Variants in DENND1B observed in about 807,000 individuals in gnomAD.
The protein encoded by DENND1B is DENN domain containing 1B, also known as DENN domain-containing protein 1B.
In DENND1B, 59 loss-of-function variants were observed where a neutral mutation model predicts 90.1. The observed-to-expected ratio is 0.65, with a 90% confidence interval of 0.53 to 0.81. The LOEUF (loss-of-function observed/expected upper bound fraction) is 0.81. Ranked by LOEUF, DENND1B falls within the 40% of genes least tolerant of loss-of-function variation. DENND1B has a pLI of 0.00. For missense variants in DENND1B, 862 were observed against 912.6 expected, an observed-to-expected ratio of 0.94 and a Z score of 0.71; for synonymous variants, 337 against 324.6, an observed-to-expected ratio of 1.04 and a Z score of -0.41.
At chr1:197,624,394 T>C (rs1391516954) in intron 10 of DENND1B, among the ~76,000 whole-genome samples, 1 of 151,564 alleles carries the variant, frequency 6.6e-6, no homozygotes, top group African/African-American at 2.4e-5. Context: ...CTAGATACAG[T>C]CCTCACACTT....
intron 12 of DENND1B, among the ~76,000 whole-genome samples, chr1:197,608,481 T>C (rs115385215): frequency 2.2e-3 from 335 of 150,718 alleles, no homozygotes; most frequent in African/African-American, 7.9e-3. Context: ...TTTAAATACA[T>C]ATATGTGTAG....
chr1:197,521,501 TAC>T (rs1220006193), intron 20 of DENND1B, among the ~76,000 whole-genome samples: 1 of 151,944 alleles, frequency 6.6e-6, no homozygotes, highest in Admixed American at 6.6e-5. Context: ...TGAAAGTAGG[TAC>T]AATCTGTACT....
At chr1:197,764,509 TCTGA>T (rs899730928) in intron 2 of DENND1B, among the ~76,000 whole-genome samples, 8 of 152,160 alleles carry the variant, frequency 5.3e-5, no homozygotes, top group African/African-American at 1.9e-4. Context: ...GAATTAATAC[TCTGA>T]CTAAATATAC....
At chr1:197,737,140 T>C (rs2102346642) in intron 2 of DENND1B, among the ~76,000 whole-genome samples, 1 of 152,258 alleles carries the variant, frequency 6.6e-6, no homozygotes, top group South Asian at 2.1e-4. Flanking sequence ...TCAGAGACAC[T>C]GCTCCTTTCC....
chr1:197,627,730 A>C (rs571065295), intron 10 of DENND1B, among the ~76,000 whole-genome samples: 6 of 152,232 alleles, frequency 3.9e-5, no homozygotes, highest in African/African-American at 1.2e-4. Context: ...GAAAAGAGGA[A>C]GTCAAATTGT....
intron 2 of DENND1B, among the ~76,000 whole-genome samples, chr1:197,741,524 T>C (rs1248449227): frequency 6.6e-6 from 1 of 152,164 alleles, no homozygotes; most frequent in Non-Finnish European, 1.5e-5. Flanking sequence ...TTCTGCACAA[T>C]CGTTTGAACC....
At chr1:197,714,445 A>G (rs979854295) in intron 3 of DENND1B, among the ~76,000 whole-genome samples, 4 of 152,142 alleles carry the variant, frequency 2.6e-5, no homozygotes, top group Admixed American at 1.3e-4. Context: ...GTCATACTAA[A>G]TATTTGAGGA....
chr1:197,652,598 A>T (rs545131480), intron 6 of DENND1B, among the ~76,000 whole-genome samples: 4 of 152,226 alleles, frequency 2.6e-5, no homozygotes, highest in African/African-American at 9.6e-5. Context: ...TAATGCTATA[A>T]AAGTAAATTA....
chr1:197,607,263 T>C (rs2125837846), intron 12 of DENND1B, 89 bp from the exon 13 acceptor site: 4 of 824,744 alleles, frequency 4.8e-6, no homozygotes, highest in Non-Finnish European at 7.0e-6. Flanking sequence ...ATTATCTTAA[T>C]GCATTAGGCT....
At chr1:197,616,548 G>C (rs1203508878) in intron 11 of DENND1B, among the ~76,000 whole-genome samples, 1 of 151,030 alleles carries the variant, frequency 6.6e-6, no homozygotes, top group Non-Finnish European at 1.5e-5. Flanking sequence ...ATATTACCAT[G>C]CTGTGGAAAC....
intron 10 of DENND1B, among the ~76,000 whole-genome samples, chr1:197,642,150 G>A (rs1680323644): frequency 6.6e-6 from 1 of 151,846 alleles, no homozygotes; most frequent in Non-Finnish European, 1.5e-5. Context: ...TATTAATAAA[G>A]ACCTTCCAAA....
intron 15 of DENND1B, among the ~76,000 whole-genome samples, chr1:197,569,778 G>A (rs767628251): frequency 6.6e-6 from 1 of 151,994 alleles, no homozygotes; most frequent in Non-Finnish European, 1.5e-5. Context: ...CCAGGGGTTG[G>A]GGTAAAGCAG....
In DENND1B at chr1:197,713,788, TAA is replaced by T. The variant is rs1558432648; in HGVS notation, c.126+1241_126+1242del. 1.8e-3 allele frequency among the ~76,000 whole-genome samples: 39 copies of T among 22,130 alleles called. 2 individuals carry two copies. Among genetic ancestry groups the T allele is most frequent in the African/African-American group, 4.6e-3 (32 of 6,978 alleles). 14.5% of individuals were successfully genotyped at this position (22,130 alleles called of 152,430 possible). On this transcript the variant is annotated intron_variant, in intron 3 of 22. Coordinates refer to ENST00000620048, the MANE Select transcript of DENND1B (RefSeq NM_001195215.2). ...TATATTATATTATTATATTATATTA[TAA>T]TATTATTATATTATAATATATTATA...
At chr1:197,612,031 A>C (rs1677228904) in intron 11 of DENND1B, 55 bp from the exon 12 acceptor site, 3 of 1,374,056 alleles carry the variant, frequency 2.2e-6, no homozygotes, top group Non-Finnish European at 2.1e-6. Context: ...AAACTGAAAC[A>C]ACAGTATAAG....
intron 5 of DENND1B, among the ~76,000 whole-genome samples, chr1:197,664,339 C>A (rs1362287673): frequency 1.3e-5 from 2 of 151,914 alleles, no homozygotes; most frequent in East Asian, 3.8e-4. Flanking sequence ...TAAAATTGAA[C>A]AAAGAATAAC....
chr1:197,738,041 T>C (rs1006600518), intron 2 of DENND1B, among the ~76,000 whole-genome samples: 1 of 152,214 alleles, frequency 6.6e-6, no homozygotes, highest in Non-Finnish European at 1.5e-5. Flanking sequence ...TCCTATAATT[T>C]ATTGTCCCTA....
intron 16 of DENND1B, among the ~76,000 whole-genome samples, chr1:197,548,012 A>C (rs562882600): frequency 6.6e-6 from 1 of 152,334 alleles, no homozygotes; most frequent in Non-Finnish European, 1.5e-5. Flanking sequence ...TTTTCCCAAA[A>C]TGAATGTAAG....
chr1:197,737,619 G>T (rs1055172904), intron 2 of DENND1B, among the ~76,000 whole-genome samples: 4 of 151,966 alleles, frequency 2.6e-5, no homozygotes, highest in Non-Finnish European at 5.9e-5. Context: ...TAATCATTAC[G>T]GTGAGAATGC....
At chr1:197,614,972 T>G (rs1677514767) in intron 11 of DENND1B, among the ~76,000 whole-genome samples, 1 of 150,946 alleles carries the variant, frequency 6.6e-6, no homozygotes, top group Non-Finnish European at 1.5e-5. Flanking sequence ...ACTCTTACAT[T>G]GGCTGATTAG....
Sources: allele counts gnomAD v4.1 joint callset (sites outside exome capture counted in the v4.1 genomes callset), GRCh38; gene constraint gnomAD v4.1.1; transcripts MANE v1.5; gene names NCBI Gene and HGNC (gene_info 2026-07-23, HGNC 2026-07-21).